Variants in ADHFE1 observed in about 807,000 individuals in gnomAD.
ADHFE1 encodes the protein alcohol dehydrogenase iron containing 1.
In ADHFE1, 37 loss-of-function variants were observed where a neutral mutation model predicts 54.8. The ratio of observed to expected loss-of-function variants is 0.68; its 90% CI spans 0.52 to 0.89. The LOEUF is 0.89. Among genes scored for constraint, ADHFE1 ranks in the 40% least tolerant of loss-of-function variants. The pLI is 0.00. For missense variants in ADHFE1, 601 were observed against 591.2 expected, an observed-to-expected ratio of 1.02 and a Z score of -0.17; for synonymous variants, 203 against 229.3, an observed-to-expected ratio of 0.89 and a Z score of 1.04.
At chr8:66,445,096 G>T (rs1805959140) in intron 5 of ADHFE1, 122 bp from the exon 6 acceptor site, 2 of 954,882 alleles carry the variant, frequency 2.1e-6, no homozygotes, top group Non-Finnish European at 3.0e-6. Context: ...ATGAGACTCC[G>T]TCTCAAAAAA....
At chr8:66,436,586 A>G (rs1447627945) in intron 1 of ADHFE1, among the ~76,000 whole-genome samples, 2 of 152,116 alleles carry the variant, frequency 1.3e-5, no homozygotes, top group Non-Finnish European at 2.9e-5. Context: ...AGTCTCCCAT[A>G]GGGAAAATGT....
Position 66,452,076 on chromosome 8 carries a change from G to A in ADHFE1, c.858G>A (p.Ala286=), listed in dbSNP as rs747215331. The change falls in exon 9 of 14, where the codon GCG becomes GCA. Residue 286 remains alanine, a synonymous_variant. Transcript: ENST00000396623. Reference sequence around the variant, plus strand: ...TCAGTGACATTTGGGCTATCCACGCGCTGCGGATCGTGGCTAAGTATCTGA... The same window carrying A: ...TCAGTGACATTTGGGCTATCCACGCACTGCGGATCGTGGCTAAGTATCTGA... The part of the protein sequence containing the change: ...NPISDIWAIH[A]LRIVAKYLKR... The A allele has an allele frequency of 1.5e-5, 25 of 1,613,994 alleles. 1 individual carries two copies. The highest frequency in any genetic ancestry group is 8.8e-5 in the South Asian group (8 of 91,082).
At chr8:66,438,861 G>A (rs1015958179) in intron 1 of ADHFE1, among the ~76,000 whole-genome samples, 10 of 89,482 alleles carry the variant, frequency 1.1e-4, no homozygotes, top group Non-Finnish European at 2.0e-4. Context: ...CTCAGAGCTT[G>A]GGGAAGAAAA....
chr8:66,463,285 CTTAATTGGACAAAACCAATTT>C (rs1807000315), intron 13 of ADHFE1, among the ~76,000 whole-genome samples: 5 of 152,282 alleles, frequency 3.3e-5, no homozygotes, highest in Non-Finnish European at 5.9e-5. Context: ...ATAGCAAAAT[CTTAATTGGACAAAACCAATTT>C]CTTAGTTTTA....
At position 66,456,841 on chromosome 8, in the gene ADHFE1, A is replaced by G; in HGVS notation, c.1011A>G (p.Ser337=). ...HLCHGMSYPI[S]GLVKMYKAKD... is the part of the protein sequence containing the mutation. ...GCCATGGAATGTCTTACCCAATTTC[A>G]GGTTTAGTGAAGATGTATAAAGCAA... The change falls in exon 11 of 14, where the codon TCA becomes TCG. Residue 337 remains serine, a synonymous_variant. Coordinates refer to ENST00000396623, the MANE Select transcript of ADHFE1 (RefSeq NM_144650.3). 2 of 1,608,758 alleles carry G rather than the reference A, an allele frequency of 1.2e-6. No individual in the cohort carries two copies. The highest frequency in any genetic ancestry group is 2.2e-5 in the South Asian group (2 of 90,132).
rs1287152692 is a variant in ADHFE1, at chr8:66,440,071, AGAC to A, written c.60-90_60-88del. ...ACCAATTTGATAGCATCTTAGCACT[AGAC>A]TGCAATGTGAGTTAGCTTAAGGCTT... On this transcript the variant is annotated intron_variant, in intron 1 of 13. Transcript: ENST00000396623. 4 of 1,240,748 alleles carry A rather than the reference AGAC, an allele frequency of 3.2e-6. No individual in the cohort carries two copies. In the Admixed American group the frequency reaches 7.6e-5, roughly 24 times the overall value. 76.9% of individuals were successfully genotyped at this position (1,240,748 alleles called of 1,614,324 possible). A position where few individuals can be genotyped will look rare whatever the true frequency, so the allele number is the denominator to read the frequency against.
At chr8:66,461,062 G>A (rs1364003625) in intron 13 of ADHFE1, among the ~76,000 whole-genome samples, 4 of 152,226 alleles carry the variant, frequency 2.6e-5, no homozygotes, top group African/African-American at 9.6e-5. Flanking sequence ...CATACTAGGT[G>A]TAAAGTTTGC....
At chr8:66,460,119 C>A in intron 12 of ADHFE1, 189 bp from the exon 13 acceptor site, 1 of 643,068 alleles carries the variant, frequency 1.6e-6, no homozygotes, top group Non-Finnish European at 2.7e-6. Flanking sequence ...GCAGCCCCTC[C>A]GAAATGTCAG....
chr8:66,447,084 G>A (rs1393893558), intron 6 of ADHFE1, among the ~76,000 whole-genome samples, 180 bp from the exon 7 acceptor site: 1 of 152,126 alleles, frequency 6.6e-6, no homozygotes, highest in African/African-American at 2.4e-5. Flanking sequence ...ACATATTAAT[G>A]CAGACACGGA....
chr8:66,433,107 G>A (rs758818072), intron 1 of ADHFE1, among the ~76,000 whole-genome samples: 2 of 152,124 alleles, frequency 1.3e-5, no homozygotes, highest in Non-Finnish European at 2.9e-5. Flanking sequence ...TGTACAGGGA[G>A]TCAGGGTATT....
intron 8 of ADHFE1, among the ~76,000 whole-genome samples, chr8:66,450,588 A>T (rs1389502306): frequency 6.6e-6 from 1 of 152,238 alleles, no homozygotes; most frequent in East Asian, 1.9e-4. Flanking sequence ...GAAGACTCTG[A>T]TGTCTGCTTA....
intron 1 of ADHFE1, among the ~76,000 whole-genome samples, chr8:66,433,111 G>A (rs559022488): frequency 1.3e-5 from 2 of 152,220 alleles, no homozygotes; most frequent in South Asian, 2.1e-4. Flanking sequence ...CAGGGAGTCA[G>A]GGTATTCAAT....
intron 1 of ADHFE1, among the ~76,000 whole-genome samples, chr8:66,434,557 T>G (rs967124286): frequency 1.3e-5 from 2 of 152,212 alleles, no homozygotes; most frequent in Non-Finnish European, 2.9e-5. Flanking sequence ...AGATTTCCAA[T>G]GAAAATCTTG....
In ADHFE1 at chr8:66,454,154, T is replaced by C; in HGVS notation, c.983T>C (p.Leu328Pro). 6.2e-6 allele frequency: 10 copies of C among 1,614,062 alleles called. No individual in the cohort carries two copies. The highest frequency in any genetic ancestry group is 7.6e-6 in the Non-Finnish European group (9 of 1,179,956). The stretch of plus-strand genomic sequence containing the variant: ...GGCTTTGGAAATGCTGGTGTTCATC[T>C]GTGGTGAGCAAGTCTGAGATTTCAT... ...GIGFGNAGVH[L>P]CHGMSYPISG... Residue 328 changes from leucine to proline, a missense_variant, in exon 10 of 14, where the codon CTG becomes CCG. Coordinates refer to ENST00000396623, the MANE Select transcript of ADHFE1 (RefSeq NM_144650.3).
At chr8:66,462,177 C>A (rs943794022) in intron 13 of ADHFE1, among the ~76,000 whole-genome samples, 2 of 152,192 alleles carry the variant, frequency 1.3e-5, no homozygotes, top group African/African-American at 4.8e-5. Context: ...CTGAGGATAA[C>A]TTTTTGAAAA....
chr8:66,450,850 C>T (rs1158728358), intron 8 of ADHFE1, among the ~76,000 whole-genome samples: 1 of 152,256 alleles, frequency 6.6e-6, no homozygotes, highest in African/African-American at 2.4e-5. Context: ...AACCACAAAG[C>T]CTTCATATCC....
At position 66,443,264 on chromosome 8, in the gene ADHFE1, ATTTTTTT is replaced by A. The variant is rs540464621; in HGVS notation, c.144+446_144+452del. Among the ~76,000 whole-genome samples, 408 of 85,932 alleles carry A rather than the reference ATTTTTTT, an allele frequency of 4.7e-3. 1 individual carries two copies. The highest frequency in any genetic ancestry group is 0.016 in the African/African-American group (376 of 24,002). 56.4% of individuals were successfully genotyped at this position (85,932 alleles called of 152,430 possible). A position where few individuals can be genotyped will look rare whatever the true frequency, so the allele number is the denominator to read the frequency against. Reference sequence around the variant, plus strand: ...GTCCCTGTCTCCTCCTAGTCCAGGAATTTTTTTTTTTTTTTTTTTTTTTTTTTTTTTT... The same window carrying A: ...GTCCCTGTCTCCTCCTAGTCCAGGAATTTTTTTTTTTTTTTTTTTTTTTTT... On this transcript the variant is annotated intron_variant, in intron 3 of 13. Transcript: ENST00000396623.
intron 12 of ADHFE1, among the ~76,000 whole-genome samples, chr8:66,459,850 T>C (rs1806803236): frequency 6.6e-6 from 1 of 152,238 alleles, no homozygotes; most frequent in South Asian, 2.1e-4. Flanking sequence ...GCTTTTGTAC[T>C]TCTGTAAGCT....
At chr8:66,450,483 TCTTC>T (rs1207607552) in intron 8 of ADHFE1, among the ~76,000 whole-genome samples, 1 of 152,212 alleles carries the variant, frequency 6.6e-6, no homozygotes, top group Non-Finnish European at 1.5e-5. Context: ...ATGTATTAAA[TCTTC>T]GAGGTAACTC....
Sources: gnomAD v4.1 joint callset for allele counts (sites outside exome capture counted in the v4.1 genomes callset) on GRCh38, gnomAD v4.1.1 for gene constraint, MANE v1.5 for transcripts, NCBI Gene and HGNC (gene_info 2026-07-23, HGNC 2026-07-21) for gene names.